PER3: variants seen among roughly 807,000 people sequenced by gnomAD.
PER3 encodes period circadian protein homolog 3.
PER3 carries 107 observed loss-of-function variants against 127.2 expected under a neutral mutation model. That is an observed-to-expected ratio of 0.84 (90% CI 0.72 to 0.99). The LOEUF (loss-of-function observed/expected upper bound fraction) is 0.99, where lower values mean the gene tolerates loss of function less well. Among genes scored for constraint, PER3 ranks in the 50% least tolerant of loss-of-function variants. PER3 has a pLI of 0.00. For synonymous variants in PER3, 618 were observed against 585.8 expected, an observed-to-expected ratio of 1.05 and a Z score of -0.79; for missense variants, 1,560 against 1,525.8, an observed-to-expected ratio of 1.02 and a Z score of -0.37.
At chr1:7,806,859 T>C (rs548151306) in intron 10 of PER3, among the ~76,000 whole-genome samples, 76 of 140,314 alleles carry the variant, frequency 5.4e-4, no homozygotes, top group East Asian at 5.3e-3. Flanking sequence ...CACACATACA[T>C]ACACAATTTA....
chr1:7,832,477 G>T (rs903615752), intron 19 of PER3, among the ~76,000 whole-genome samples: 2 of 146,300 alleles, frequency 1.4e-5, no homozygotes, highest in Non-Finnish European at 3.0e-5. Context: ...AGGATCAAGC[G>T]ATTCTCCTGC....
chr1:7,836,350 T>C (rs2097358504), intron 20 of PER3, among the ~76,000 whole-genome samples: 1 of 152,152 alleles, frequency 6.6e-6, no homozygotes, highest in Non-Finnish European at 1.5e-5. Flanking sequence ...GCTAGTTTTT[T>C]GTATTTTTAG....
chr1:7,797,012 T>A (rs1230838643), intron 6 of PER3, among the ~76,000 whole-genome samples: 1 of 152,044 alleles, frequency 6.6e-6, no homozygotes, highest in Admixed American at 6.6e-5. Context: ...TTTAGATAAG[T>A]TAAGTTTGTG....
chr1:7,791,964 G>A (rs1450521611), intron 5 of PER3, among the ~76,000 whole-genome samples: 1 of 152,092 alleles, frequency 6.6e-6, no homozygotes, highest in Admixed American at 6.5e-5. Context: ...ACATTTTCTT[G>A]TCTTCTTCTA....
chr1:7,810,589 G>T lies in PER3; in HGVS notation c.1522+1G>T, dbSNP rs763625375. 5.6e-6 allele frequency: 9 copies of T among 1,606,620 alleles called. No individual in the cohort carries two copies. Among genetic ancestry groups the T allele is most frequent in the Non-Finnish European group, 5.9e-6 (7 of 1,177,402 alleles). On this transcript the variant is annotated splice_donor_variant, in intron 13 of 21. Coordinates refer to ENST00000377532, the MANE Select transcript of PER3 (RefSeq NM_001377275.1). LOFTEE classifies it high-confidence loss of function. ...GGTGGTGAGTCAGCGAATGGTGGTGGTGAGTCAGCCGGCAGCCCCAAGGAT... is the reference window on the plus strand; with the variant it reads ...GGTGGTGAGTCAGCGAATGGTGGTGTTGAGTCAGCCGGCAGCCCCAAGGAT...
intron 16 of PER3, among the ~76,000 whole-genome samples, chr1:7,821,992 C>G (rs1030993097): frequency 1.1e-4 from 16 of 152,322 alleles, no homozygotes; most frequent in African/African-American, 3.8e-4. Flanking sequence ...GGCACAGTAA[C>G]TTCACTTGCC....
chr1:7,806,804 A>ATATATAT (rs1329301349), intron 10 of PER3, among the ~76,000 whole-genome samples: 7 of 60,672 alleles, frequency 1.2e-4, no homozygotes, highest in African/African-American at 4.3e-4. Flanking sequence ...TTAAAAAAAA[A>ATATATAT]AAAAAAAAAT....
intron 16 of PER3, among the ~76,000 whole-genome samples, chr1:7,822,440 A>C (rs2097281501): frequency 6.6e-6 from 1 of 151,910 alleles, no homozygotes; most frequent in Non-Finnish European, 1.5e-5. Context: ...TTTTTAGTAG[A>C]GATGATATCA....
intron 8 of PER3, 129 bp from the exon 9 acceptor site, chr1:7,802,918 T>C: frequency 4.4e-6 from 3 of 678,588 alleles, no homozygotes; most frequent in Non-Finnish European, 5.4e-6. Context: ...TTGCTGTTTT[T>C]ATAAATGCTA....
intron 5 of PER3, among the ~76,000 whole-genome samples, chr1:7,792,183 C>T (rs543062326): frequency 6.6e-6 from 1 of 152,170 alleles, no homozygotes; most frequent in Non-Finnish European, 1.5e-5. Context: ...CTGGGGAGGC[C>T]TCAGGAAACT....
intron 9 of PER3, 23 bp downstream of exon 9, chr1:7,803,176 G>A: frequency 7.5e-7 from 1 of 1,328,010 alleles, no homozygotes; most frequent in East Asian, 2.3e-5. Flanking sequence ...TCCTTTATAG[G>A]AGGAAATATT....
intron 19 of PER3, among the ~76,000 whole-genome samples, chr1:7,832,754 T>G (rs1168259332): frequency 6.6e-6 from 1 of 152,154 alleles, no homozygotes; most frequent in African/African-American, 2.4e-5. Flanking sequence ...AGAAGCTTAC[T>G]TGTTAGATCT....
At chr1:7,794,562 G>A (rs2097136613) in intron 6 of PER3, among the ~76,000 whole-genome samples, 1 of 152,168 alleles carries the variant, frequency 6.6e-6, no homozygotes, top group Non-Finnish European at 1.5e-5. Context: ...CTCTAGGAGT[G>A]TATAAGAATC....
Position 7,826,445 on chromosome 1 carries a change from G to A in PER3, c.1958-35G>A, listed in dbSNP as rs748139832. On this transcript the variant is annotated intron_variant, in intron 16 of 21. Transcript: ENST00000377532. The surrounding 1 kb of genome is among the most constrained non-coding windows in gnomAD (Gnocchi z 4.2). ...GTAAAATAAATACAAATAATTGATA[G>A]GAATTAAAATTAAATATGTCTTCTT... 9.0e-7 allele frequency: 1 copy of A among 1,115,586 alleles called. No homozygotes were observed. The highest frequency in any genetic ancestry group is 1.4e-6 in the Non-Finnish European group (1 of 736,608). The allele number at this position is 1,115,586 out of a possible 1,614,324, so 69.1% of individuals were successfully genotyped here.
chr1:7,834,144 T>C lies in PER3; in HGVS notation c.3215-1618T>C, dbSNP rs559898940. Among the ~76,000 whole-genome samples, 996 of 152,298 alleles carry C rather than the reference T, an allele frequency of 6.5e-3. 19 individuals carry two copies. Among genetic ancestry groups the C allele is most frequent in the Non-Finnish European group, 4.7e-3 (323 of 68,022 alleles). On this transcript the variant is annotated intron_variant, in intron 19 of 21. Transcript: ENST00000377532. The stretch of plus-strand genomic sequence containing the variant: ...CATGTCAGCCAGACTGAACTCAAAC[T>C]CCTGACCTCAGGCGATCCGCCCGCC...
At chr1:7,792,313 A>C (rs2097125567) in intron 5 of PER3, among the ~76,000 whole-genome samples, 1 of 152,142 alleles carries the variant, frequency 6.6e-6, no homozygotes, top group East Asian at 1.9e-4. Flanking sequence ...CACTATCACG[A>C]GAACGGGATG....
Position 7,789,848 on chromosome 1 carries a change from C to T in PER3, c.592+1602C>T, listed in dbSNP as rs568943345. 3.9e-5 allele frequency among the ~76,000 whole-genome samples: 6 copies of T among 152,250 alleles called. No homozygotes were observed. The South Asian group carries it at 1.2e-3, about 32-fold the overall frequency. ...AGCTCTAGAAAACATGCATGTCATC[C>T]CTGCTTGCTTCTAGCTCATCTCTTT... On this transcript the variant is annotated intron_variant, in intron 5 of 21. Transcript: ENST00000377532.
chr1:7,809,040 G>A (rs747327250), intron 11 of PER3, 42 bp downstream of exon 11: 1 of 999,740 alleles, frequency 1.0e-6, no homozygotes, highest in Non-Finnish European at 1.6e-6. Flanking sequence ...CCTGAATTGT[G>A]TTTTGTTTTA....
In PER3 at chr1:7,836,991, G is replaced by T; in HGVS notation, c.3399-8G>T. The T allele has an allele frequency of 6.2e-7, 1 of 1,609,082 alleles. No individual in the cohort carries two copies. Among genetic ancestry groups the T allele is most frequent in the South Asian group, 1.1e-5 (1 of 90,516 alleles). ...AGGACTATTAAGATTCTGTTTGTTT[G>T]TTTTCAGGGTTAAAGAAGTTGTACT... On this transcript the variant is annotated splice_polypyrimidine_tract_variant and splice_region_variant and intron_variant, in intron 20 of 21. Coordinates refer to ENST00000377532, the MANE Select transcript of PER3 (RefSeq NM_001377275.1).
Sources: allele counts gnomAD v4.1 joint callset (sites outside exome capture counted in the v4.1 genomes callset), GRCh38; gene constraint gnomAD v4.1.1; non-coding constraint Gnocchi (gnomAD v3.1); transcripts MANE v1.5; gene names NCBI Gene and HGNC (gene_info 2026-07-23, HGNC 2026-07-21).